ZNF423: variants seen among roughly 807,000 people sequenced by gnomAD.
The protein encoded by ZNF423 is Ebf-associated zinc finger protein.
Under a neutral mutation model 95.8 loss-of-function variants are expected in ZNF423, and 12 were observed. The observed-to-expected ratio is 0.13, with a 90% confidence interval of 0.08 to 0.20. The LOEUF is 0.20. Ranked by LOEUF, ZNF423 falls within the 10% of genes least tolerant of loss-of-function variation. The probability of loss-of-function intolerance (pLI) is 1.00; values close to 1 mark genes in which losing one functional copy is unlikely to be tolerated. For synonymous variants in ZNF423, 749 were observed against 711.9 expected (o/e 1.05, Z -0.83); for missense variants, 1,316 against 1,737.1 (o/e 0.76, Z 4.31).
chr16:49,576,808 A>G (rs1034488730), intron 5 of ZNF423, among the ~76,000 whole-genome samples: 1 of 152,224 alleles, frequency 6.6e-6, no homozygotes. Flanking sequence ...CAGAGCAGAT[A>G]CTGTATGATA....
intron 7 of ZNF423, among the ~76,000 whole-genome samples, chr16:49,500,087 G>A (rs1037571477): frequency 1.3e-5 from 2 of 152,174 alleles, no homozygotes; most frequent in African/African-American, 4.8e-5. Flanking sequence ...TTTTATGGCT[G>A]TTGTCACAAG....
At position 49,855,349 on chromosome 16, in the gene ZNF423, G is replaced by C. The variant is rs2035350465; in HGVS notation, c.40+386C>G. 6.9e-6 allele frequency among the ~76,000 whole-genome samples: 1 copy of C among 144,762 alleles called. No homozygotes were observed. Among genetic ancestry groups the C allele is most frequent in the East Asian group, 2.1e-4 (1 of 4,754 alleles). 95.0% of individuals were successfully genotyped at this position (144,762 alleles called of 152,430 possible). A position where few individuals can be genotyped will look rare whatever the true frequency, so the allele number is the denominator to read the frequency against. On this transcript the variant is annotated intron_variant, in intron 1 of 7. Transcript: ENST00000563137. The surrounding 1 kb of genome is among the most constrained non-coding windows in gnomAD (Gnocchi z 4.7). ...CGCCCGCCCGCCGCCGCCGAGATTC[G>C]CAATCCCCGCCAAGTCGGGCCAGCA...
At chr16:49,601,111 C>T (rs561742448) in intron 5 of ZNF423, among the ~76,000 whole-genome samples, 5 of 152,240 alleles carry the variant, frequency 3.3e-5, no homozygotes, top group South Asian at 2.1e-4. Context: ...TTCAAGGATT[C>T]GGAAGGGCCC....
At chr16:49,665,045 G>A (rs1283893581) in intron 3 of ZNF423, among the ~76,000 whole-genome samples, 1 of 152,264 alleles carries the variant, frequency 6.6e-6, no homozygotes, top group African/African-American at 2.4e-5. Context: ...CAGCTGAGCT[G>A]GGCCTGGGGC....
At chr16:49,652,973 G>A (rs903933894) in intron 3 of ZNF423, among the ~76,000 whole-genome samples, 1 of 152,136 alleles carries the variant, frequency 6.6e-6, no homozygotes, top group African/African-American at 2.4e-5. Flanking sequence ...TCTGTGTACC[G>A]TTCTAAACTC....
intron 5 of ZNF423, among the ~76,000 whole-genome samples, chr16:49,595,986 A>G (rs895023989): frequency 6.6e-6 from 1 of 152,186 alleles, no homozygotes; most frequent in Non-Finnish European, 1.5e-5. Context: ...CTATTATTAA[A>G]ATCTTAAAAA....
intron 3 of ZNF423, among the ~76,000 whole-genome samples, chr16:49,701,745 C>T (rs1019187177): frequency 1.3e-5 from 2 of 152,144 alleles, no homozygotes; most frequent in African/African-American, 4.8e-5. Flanking sequence ...TCATTTCCCC[C>T]CTTCCCCGTT....
intron 3 of ZNF423, among the ~76,000 whole-genome samples, chr16:49,686,611 G>A (rs1027908237): frequency 1.3e-5 from 2 of 151,998 alleles, no homozygotes; most frequent in Admixed American, 6.6e-5. Flanking sequence ...TGGCCTGGAC[G>A]CTCCAATCAC....
intron 4 of ZNF423, among the ~76,000 whole-genome samples, chr16:49,634,835 C>T (rs1972627710): frequency 6.6e-6 from 1 of 152,156 alleles, no homozygotes; most frequent in Non-Finnish European, 1.5e-5. Flanking sequence ...CTGTGTGGGC[C>T]CATCCATAGC....
At chr16:49,850,681 G>A (rs886397836) in intron 1 of ZNF423, among the ~76,000 whole-genome samples, 1 of 152,182 alleles carries the variant, frequency 6.6e-6, no homozygotes, top group African/African-American at 2.4e-5. Flanking sequence ...TGGCAAAAAC[G>A]ATGGGGCCAT....
intron 6 of ZNF423, 27 bp from the exon 7 acceptor site, chr16:49,523,766 C>A (rs748310725): frequency 1.3e-6 from 2 of 1,598,058 alleles, no homozygotes; most frequent in Non-Finnish European, 1.7e-6. Context: ...CTGTCAGGGC[C>A]AAGCTCAGGA....
intron 1 of ZNF423, among the ~76,000 whole-genome samples, chr16:49,837,996 C>A (rs904299596): frequency 6.6e-6 from 1 of 152,220 alleles, no homozygotes; most frequent in Non-Finnish European, 1.5e-5. Context: ...GCCGTAAGCT[C>A]CCTGAAGGCA....
At chr16:49,548,121 C>T (rs1000652317) in intron 5 of ZNF423, among the ~76,000 whole-genome samples, 1 of 152,136 alleles carries the variant, frequency 6.6e-6, no homozygotes, top group African/African-American at 2.4e-5. Flanking sequence ...ACCCACTGTC[C>T]TCTTAAGGAA....
chr16:49,511,205 G>A (rs1188405329), intron 7 of ZNF423, among the ~76,000 whole-genome samples: 1 of 152,216 alleles, frequency 6.6e-6, no homozygotes. Flanking sequence ...CCAGGGAGAA[G>A]CCATTGCTCA....
chr16:49,631,981 G>A (rs1972519855), intron 4 of ZNF423, among the ~76,000 whole-genome samples: 1 of 152,108 alleles, frequency 6.6e-6, no homozygotes, highest in African/African-American at 2.4e-5. Context: ...TGCCAGGCCT[G>A]GTCTAGGTGA....
intron 5 of ZNF423, among the ~76,000 whole-genome samples, chr16:49,588,996 G>A (rs1027907794): frequency 7.2e-5 from 11 of 152,238 alleles, no homozygotes; most frequent in African/African-American, 2.4e-4. Flanking sequence ...ACTGCTCACA[G>A]CAGCAATGTG....
At position 49,490,964 on chromosome 16, in the gene ZNF423, C is replaced by CA. The variant is rs1286415611; in HGVS notation, c.*310dup. The stretch of plus-strand genomic sequence containing the variant: ...TTTTTTAAAAACTATCAATATAATA[C>CA]ATGAAGGAACAAAGGACAATAGCCT... On this transcript the variant is annotated 3_prime_UTR_variant, in exon 8 of 8. Transcript: ENST00000563137. 5.7e-6 allele frequency: 2 copies of CA among 352,260 alleles called. No individual in the cohort carries two copies. Among genetic ancestry groups the CA allele is most frequent in the African/African-American group, 4.1e-5 (2 of 49,302 alleles). 21.8% of individuals were successfully genotyped at this position (352,260 alleles called of 1,614,324 possible). A position where few individuals can be genotyped will look rare whatever the true frequency, so the allele number is the denominator to read the frequency against.
intron 5 of ZNF423, among the ~76,000 whole-genome samples, chr16:49,577,944 G>T (rs568981473): frequency 6.6e-6 from 1 of 152,348 alleles, no homozygotes; most frequent in East Asian, 1.9e-4. Flanking sequence ...GCCAGTGCCT[G>T]CTTGACCTAG....
chr16:49,559,638 G>A (rs531105449), intron 5 of ZNF423, among the ~76,000 whole-genome samples: 11 of 152,290 alleles, frequency 7.2e-5, no homozygotes, highest in Admixed American at 3.3e-4. Context: ...TCCTGTGGGC[G>A]GTCTGCTCCT....
Sources: allele counts gnomAD v4.1 joint callset (sites outside exome capture counted in the v4.1 genomes callset), GRCh38; gene constraint gnomAD v4.1.1; non-coding constraint Gnocchi (gnomAD v3.1); transcripts MANE v1.5; gene names NCBI Gene and HGNC (gene_info 2026-07-23, HGNC 2026-07-21).